The following CACNA1A variants were observed in gnomAD, a reference collection of about 807,000 sequenced individuals.
The protein encoded by CACNA1A is voltage-dependent P/Q-type calcium channel subunit alpha-1A.
CACNA1A carries 57 observed loss-of-function variants against 262.4 expected under a neutral mutation model. That is an observed-to-expected ratio of 0.22 (90% confidence interval 0.18 to 0.27). CACNA1A has a LOEUF of 0.27. Ranked by LOEUF, CACNA1A falls within the 10% of genes least tolerant of loss-of-function variation. The pLI, the probability that CACNA1A is intolerant of heterozygous loss-of-function variation, is 1.00. For missense variants in CACNA1A, 2,526 were observed against 3,562.8 expected, an observed-to-expected ratio of 0.71 and a Z score of 7.41; for synonymous variants, 1,431 against 1,419.3, an observed-to-expected ratio of 1.01 and a Z score of -0.18.
At chr19:13,259,468 G>A (rs1006824381) in intron 27 of CACNA1A, 96 bp downstream of exon 27, 36 of 1,238,420 alleles carry the variant, frequency 2.9e-5, no homozygotes, top group Admixed American at 7.4e-5. Flanking sequence ...CACCATGCCC[G>A]GCCTCCAAGA....
At chr19:13,428,191 G>A (rs1476096658) in intron 3 of CACNA1A, among the ~76,000 whole-genome samples, 2 of 152,154 alleles carry the variant, frequency 1.3e-5, no homozygotes, top group East Asian at 1.9e-4. Flanking sequence ...GCCTCACGAC[G>A]TGCTGGGATT....
intron 3 of CACNA1A, among the ~76,000 whole-genome samples, chr19:13,381,633 G>A (rs1466706928): frequency 4.6e-5 from 7 of 152,276 alleles, no homozygotes; most frequent in Middle Eastern, 3.4e-3. Context: ...TGGAACAGCC[G>A]GTGCAAAGGT....
At chr19:13,235,496 CAG>C (rs986085365) in intron 32 of CACNA1A, 116 bp downstream of exon 32, 3 of 813,104 alleles carry the variant, frequency 3.7e-6, no homozygotes, top group Admixed American at 4.0e-5. Flanking sequence ...TTGGAGATAA[CAG>C]ATTCTCTGCA....
chr19:13,255,218 G>C lies in CACNA1A; in HGVS notation c.4632C>G (p.Thr1544=). ...IDFAISAKPL[T]RHMPQNKQSF... ...TCTGCTTGTTCTGCGGCATGTGTCG[G>C]GTCAGCGGCTTGGCGCTGATGGCGA... is the stretch of plus-strand genomic sequence containing the variant. The change falls in exon 29 of 47, where the codon ACC becomes ACG. Residue 1544 remains threonine (T), a synonymous_variant. Transcript: ENST00000360228. The C allele has an allele frequency of 3.1e-6, 5 of 1,610,046 alleles. No homozygotes were observed. The highest frequency in any genetic ancestry group is 4.2e-6 in the Non-Finnish European group (5 of 1,176,692).
Position 13,207,679 on chromosome 19 carries a change from G to A in CACNA1A, c.7155C>T (p.His2385=), listed in dbSNP as rs2144490618. 2.1e-6 allele frequency: 3 copies of A among 1,426,472 alleles called. No homozygotes were observed. Among genetic ancestry groups the A allele is most frequent in the Non-Finnish European group, 1.8e-6 (2 of 1,089,454 alleles). The allele number at this position is 1,426,472 out of a possible 1,614,324, so 88.4% of individuals were successfully genotyped here. The change falls in exon 47 of 47, where the codon CAC becomes CAT. Residue 2385 remains histidine, a synonymous_variant. Coordinates refer to ENST00000360228, the MANE Select transcript of CACNA1A (RefSeq NM_001127222.2). This position sits in a 1 kb window ranked among gnomAD's most constrained non-coding sequence, Gnocchi z 5.7. ...CAGATGCCGGCCACCGGGCCCCGCC[G>A]TGTCGACAGGCCCTGGGGGACTCGC... ...ARSESPRACR[H]GGARWPASGP... is the part of the protein sequence containing the mutation.
At chr19:13,235,367 G>T in intron 32 of CACNA1A, 93 bp from the exon 33 acceptor site, 1 of 1,269,692 alleles carries the variant, frequency 7.9e-7, no homozygotes, top group Non-Finnish European at 1.1e-6. Flanking sequence ...CCACTGGGTT[G>T]GGTGGCCATA....
chr19:13,219,042 ATTTTT>A (rs554840529), intron 38 of CACNA1A, among the ~76,000 whole-genome samples: 2 of 118,030 alleles, frequency 1.7e-5, no homozygotes, highest in Admixed American at 1.8e-4. Flanking sequence ...CCCTTTGCAG[ATTTTT>A]TTTTTTTTTT....
chr19:13,281,699 C>G (rs572074323), intron 22 of CACNA1A, among the ~76,000 whole-genome samples: 2 of 152,318 alleles, frequency 1.3e-5, no homozygotes, highest in South Asian at 4.1e-4. Context: ...CGAGGAGGCA[C>G]ATGCCGCGTG....
intron 6 of CACNA1A, among the ~76,000 whole-genome samples, chr19:13,345,912 T>C (rs75354325): frequency 6.7e-6 from 1 of 148,304 alleles, no homozygotes; most frequent in African/African-American, 2.5e-5. Flanking sequence ...TTTTTTTTTT[T>C]TTTTTTGAGA....
Position 13,443,073 on chromosome 19 carries a change from C to T in CACNA1A, c.539+9803G>A, listed in dbSNP as rs2060752208. Among the ~76,000 whole-genome samples the T allele has an allele frequency of 6.6e-5, 10 of 152,232 alleles. No homozygotes were observed. In the South Asian group the frequency reaches 2.1e-3, roughly 32 times the overall value. ...TTTATTTTATATTATTATTTATTGA[C>T]ACGGGGTCTCACCCTGTCACCCAGC... On this transcript the variant is annotated intron_variant, in intron 3 of 46. Coordinates refer to ENST00000360228, the MANE Select transcript of CACNA1A (RefSeq NM_001127222.2).
At chr19:13,250,349 C>G (rs1393620310) in intron 30 of CACNA1A, among the ~76,000 whole-genome samples, 2 of 151,862 alleles carry the variant, frequency 1.3e-5, no homozygotes, top group Admixed American at 1.3e-4. Flanking sequence ...TGTGAGCCAT[C>G]ACACTCAGCC....
At chr19:13,458,045 G>A (rs1224068476) in intron 1 of CACNA1A, among the ~76,000 whole-genome samples, 2 of 152,154 alleles carry the variant, frequency 1.3e-5, no homozygotes, top group East Asian at 3.8e-4. Context: ...AATGGCAAGG[G>A]AAATGGGAGT....
chr19:13,334,588 TG>T, intron 7 of CACNA1A, 95 bp from the exon 8 acceptor site: 3 of 649,596 alleles, frequency 4.6e-6, no homozygotes, highest in Non-Finnish European at 8.2e-6. Context: ...TGTGTGTGTG[TG>T]TGTTTGTGTG....
chr19:13,371,971 G>A (rs1599308905), intron 3 of CACNA1A, among the ~76,000 whole-genome samples, 192 bp from the exon 4 acceptor site: 1 of 152,056 alleles, frequency 6.6e-6, no homozygotes, highest in East Asian at 1.9e-4. Flanking sequence ...GATAAAAGGT[G>A]ATTTACGAAG....
chr19:13,349,023 A>G (rs201726163), intron 6 of CACNA1A, among the ~76,000 whole-genome samples: 2 of 122,910 alleles, frequency 1.6e-5, no homozygotes, highest in South Asian at 2.4e-4. Context: ...AAAAAAAAAA[A>G]AAAAAGAGAG....
intron 7 of CACNA1A, 52 bp from the exon 8 acceptor site, chr19:13,334,545 AC>A (rs1230172978): frequency 4.7e-5 from 42 of 899,522 alleles, no homozygotes; most frequent in Non-Finnish European, 1.1e-5. Context: ...ATGTTAGGAA[AC>A]GTTTGTGTGT....
At chr19:13,235,516 A>G in intron 32 of CACNA1A, 98 bp downstream of exon 32, 1 of 884,248 alleles carries the variant, frequency 1.1e-6, no homozygotes, top group Non-Finnish European at 1.9e-6. Flanking sequence ...GCACGACTAC[A>G]TCACAGAGGC....
intron 5 of CACNA1A, chr19:13,362,151 C>G (rs890691954): frequency 6.6e-6 from 1 of 152,014 alleles, no homozygotes; most frequent in African/African-American, 2.4e-5. Flanking sequence ...TCCTCAGCCT[C>G]CTGAGTAGCT....
At chr19:13,435,176 C>A (rs1290415422) in intron 3 of CACNA1A, among the ~76,000 whole-genome samples, 1 of 151,626 alleles carries the variant, frequency 6.6e-6, no homozygotes, top group Middle Eastern at 3.2e-3. Context: ...TGCAGTGGCG[C>A]AATCTTGGCT....
Sources: allele counts gnomAD v4.1 joint callset (sites outside exome capture counted in the v4.1 genomes callset), GRCh38; gene constraint gnomAD v4.1.1; non-coding constraint Gnocchi (gnomAD v3.1); transcripts MANE v1.5; gene names NCBI Gene and HGNC (gene_info 2026-07-23, HGNC 2026-07-21).